The following PTGR1 variants were observed in gnomAD, a reference collection of about 807,000 sequenced individuals.
PTGR1 encodes the protein 15-oxoprostaglandin 13-reductase.
PTGR1 carries 23 observed loss-of-function variants against 37.7 expected under a neutral mutation model. The ratio of observed to expected loss-of-function variants is 0.61; its 90% confidence interval spans 0.44 to 0.86. The LOEUF (loss-of-function observed/expected upper bound fraction) is 0.86, where lower values mean the gene tolerates loss of function less well. PTGR1 is among the 40% of genes least tolerant of loss of function. PTGR1 has a pLI of 0.00. For synonymous variants in PTGR1, 134 were observed against 140.0 expected (o/e 0.96, Z 0.30); for missense variants, 351 against 394.3 (o/e 0.89, Z 0.93).
At chr9:111,584,825 C>G (rs1485534292) in intron 5 of PTGR1, among the ~76,000 whole-genome samples, 1 of 152,098 alleles carries the variant, frequency 6.6e-6, no homozygotes, top group Non-Finnish European at 1.5e-5. Context: ...AAAAAGAAAT[C>G]CTGAGTTTTA....
chr9:111,592,605 G>A (rs1829653088), intron 4 of PTGR1: 2 of 224,750 alleles, frequency 8.9e-6, no homozygotes, highest in African/African-American at 2.3e-5. Context: ...ATCCACCTGG[G>A]AACAAAGAGA....
chr9:111,550,155 C>T (rs1356723435), intron 9 of PTGR1, among the ~76,000 whole-genome samples: 1 of 152,152 alleles, frequency 6.6e-6, no homozygotes, highest in Middle Eastern at 3.2e-3. Flanking sequence ...AAAGTTGTCT[C>T]AATTCTTTAC....
rs889007188 is a variant in PTGR1, at chr9:111,595,267, TTAA to T, written c.107-1003_107-1001del. On this transcript the variant is annotated intron_variant, in intron 2 of 9. Transcript: ENST00000407693. ...GGTTCTCATTTTTGGCCCAGCCCAGTTAATAATAATAATAATAATGGTAATGCT... is the reference window on the plus strand; with the variant it reads ...GGTTCTCATTTTTGGCCCAGCCCAGTTAATAATAATAATAATGGTAATGCT... Among the ~76,000 whole-genome samples, 8 of 152,030 alleles carry T rather than the reference TTAA, an allele frequency of 5.3e-5. No individual in the cohort carries two copies. In the East Asian group the frequency reaches 7.7e-4, roughly 15 times the overall value.
chr9:111,564,990 G>A (rs1005651447), intron 9 of PTGR1, among the ~76,000 whole-genome samples: 3 of 152,072 alleles, frequency 2.0e-5, no homozygotes, highest in Non-Finnish European at 4.4e-5. Context: ...CAGGCGTGGT[G>A]GCGTGTACCT....
intron 4 of PTGR1, chr9:111,589,238 C>A: frequency 3.8e-6 from 1 of 262,834 alleles, no homozygotes; most frequent in Non-Finnish European, 5.9e-6. Context: ...GGATATAAGA[C>A]AAAATGAATA....
chr9:111,554,326 G>T (rs1302224031), intron 9 of PTGR1, among the ~76,000 whole-genome samples: 4 of 152,118 alleles, frequency 2.6e-5, no homozygotes, highest in African/African-American at 4.8e-5. Context: ...CTACTCTTCC[G>T]TTGCCCAGAG....
At chr9:111,554,069 GT>G (rs1275740817) in intron 9 of PTGR1, among the ~76,000 whole-genome samples, 2 of 152,056 alleles carry the variant, frequency 1.3e-5, no homozygotes, top group Non-Finnish European at 2.9e-5. Context: ...CGGTGCCAAG[GT>G]TTCCCATTCC....
At chr9:111,557,322 C>T (rs1457854882) in intron 9 of PTGR1, among the ~76,000 whole-genome samples, 3 of 151,378 alleles carry the variant, frequency 2.0e-5, no homozygotes, top group Admixed American at 6.6e-5. Flanking sequence ...TGCAGTGAGC[C>T]GAGATGGTGC....
chr9:111,594,331 G>A, intron 2 of PTGR1, 64 bp from the exon 3 acceptor site: 2 of 1,413,354 alleles, frequency 1.4e-6, no homozygotes, highest in East Asian at 2.3e-5. Context: ...AATAGACACT[G>A]AGCACCACTA....
chr9:111,589,433 T>C (rs1048989037), intron 4 of PTGR1: 5 of 854,300 alleles, frequency 5.9e-6, no homozygotes, highest in Non-Finnish European at 7.0e-6. Flanking sequence ...GATGTTTGGT[T>C]TTTTTAAGAG....
At position 111,586,130 on chromosome 9, in the gene PTGR1, C is replaced by A; in HGVS notation, c.245G>T (p.Gly82Val). 1 of 1,614,086 alleles carries A rather than the reference C, an allele frequency of 6.2e-7. No homozygotes were observed. The highest frequency in any genetic ancestry group is 1.1e-5 in the South Asian group (1 of 91,056). The change falls in exon 5 of 10, where the codon GGA (glycine) becomes GTA (valine). Residue 82 changes from glycine (G) to valine (V), a missense_variant. Physicochemically the swap from Gly to Val is moderately radical, Grantham distance 109. Coordinates refer to ENST00000407693, the MANE Select transcript of PTGR1 (RefSeq NM_001146108.2). ...VESKNVALPK[G>V]TIVLASPGWT... ...GCCTGGAGAAGCCAGTACAATAGTT[C>A]CTTTTGGTAGGGCTACATTTTTACT...
At chr9:111,578,999 A>C in intron 6 of PTGR1, 48 bp from the exon 7 acceptor site, 1 of 1,537,388 alleles carries the variant, frequency 6.5e-7, no homozygotes, top group Non-Finnish European at 8.7e-7. Flanking sequence ...AGTCACAAGC[A>C]TGGACCAACA....
rs375630915 is a variant in PTGR1, at chr9:111,562,938, A to G, written c.*183T>C. 6 of 1,386,326 alleles carry G rather than the reference A, an allele frequency of 4.3e-6. No homozygotes were observed. The African/African-American group carries it at 4.3e-5, about 10-fold the overall frequency. The allele number at this position is 1,386,326 out of a possible 1,614,324, so 85.9% of individuals were successfully genotyped here. A position where few individuals can be genotyped will look rare whatever the true frequency, so the allele number is the denominator to read the frequency against. On this transcript the variant is annotated 3_prime_UTR_variant, in exon 10 of 10. Transcript: ENST00000407693. ...ACAGTGAGGTGACTGGTTGTTGTTGACTTTGAAACTTCCATCCTCCATCAC... is the reference window on the plus strand; with the variant it reads ...ACAGTGAGGTGACTGGTTGTTGTTGGCTTTGAAACTTCCATCCTCCATCAC...
chr9:111,561,158 A>C (rs185442139), downstream of PTGR1, among the ~76,000 whole-genome samples: 6 of 109,356 alleles, frequency 5.5e-5, no homozygotes, highest in South Asian at 1.8e-3. Flanking sequence ...GGAGAGAGAG[A>C]GAGAGAGAGA....
downstream of PTGR1, among the ~76,000 whole-genome samples, chr9:111,558,623 T>G (rs1564606606): frequency 6.6e-6 from 1 of 152,206 alleles, no homozygotes; most frequent in Non-Finnish European, 1.5e-5. Flanking sequence ...AAATCCACAA[T>G]CTGGAATTTA....
At chr9:111,558,354 A>T (rs1049956875), downstream of PTGR1, among the ~76,000 whole-genome samples, 3 of 152,144 alleles carry the variant, frequency 2.0e-5, no homozygotes, top group Non-Finnish European at 4.4e-5. Context: ...TGACTTCATT[A>T]TTCTTTGAGC....
intron 9 of PTGR1, among the ~76,000 whole-genome samples, chr9:111,553,036 A>G (rs1828015678): frequency 6.6e-6 from 1 of 152,166 alleles, no homozygotes; most frequent in Non-Finnish European, 1.5e-5. Flanking sequence ...ACCCTTTTAA[A>G]AGTTGTTTAA....
chr9:111,566,397 A>G (rs919084503), intron 9 of PTGR1, among the ~76,000 whole-genome samples: 1 of 152,176 alleles, frequency 6.6e-6, no homozygotes, highest in South Asian at 2.1e-4. Flanking sequence ...CCGGCACTGC[A>G]AGTGCTATAC....
chr9:111,584,123 T>G (rs924575754), intron 5 of PTGR1, among the ~76,000 whole-genome samples: 1 of 152,154 alleles, frequency 6.6e-6, no homozygotes, highest in African/African-American at 2.4e-5. Flanking sequence ...ATGTCAAAGT[T>G]AGCTTGCAGG....
Sources: allele counts gnomAD v4.1 joint callset (sites outside exome capture counted in the v4.1 genomes callset), GRCh38; gene constraint gnomAD v4.1.1; transcripts MANE v1.5; gene names NCBI Gene and HGNC (gene_info 2026-07-23, HGNC 2026-07-21).